The following HAPLN3 variants were observed in gnomAD, a reference collection of about 807,000 sequenced individuals.
HAPLN3 encodes the protein extracellular link domain containing, 1.
A neutral mutation model predicts 28.1 loss-of-function variants in HAPLN3; 28 were observed. The ratio of observed to expected loss-of-function variants is 1.00; its 90% CI spans 0.74 to 1.37. The LOEUF (loss-of-function observed/expected upper bound fraction) is 1.37. Ranked by LOEUF, HAPLN3 falls within the 40% of genes most tolerant of loss-of-function variation. HAPLN3 has a pLI of 0.00. For synonymous variants in HAPLN3, 211 were observed against 213.1 expected (o/e 0.99, Z 0.09); for missense variants, 513 against 504.6 (o/e 1.02, Z -0.16).
chr15:88,884,869 C>T (rs562844512), intron 2 of HAPLN3, among the ~76,000 whole-genome samples: 1 of 152,238 alleles, frequency 6.6e-6, no homozygotes, highest in African/African-American at 2.4e-5. Flanking sequence ...CAGCTACAGC[C>T]AAGGAATGCC....
chr15:88,894,078 C>T (rs1327700639), intron 1 of HAPLN3, among the ~76,000 whole-genome samples: 1 of 152,076 alleles, frequency 6.6e-6, no homozygotes, highest in Non-Finnish European at 1.5e-5. Flanking sequence ...AAAATATGAC[C>T]TGTTACTACT....
At position 88,877,896 on chromosome 15, in the gene HAPLN3, A is replaced by G; in HGVS notation, c.*74T>C. 1 of 1,411,176 alleles carries G rather than the reference A, an allele frequency of 7.1e-7. No individual in the cohort carries two copies. Among genetic ancestry groups the G allele is most frequent in the Admixed American group, 2.4e-5 (1 of 42,346 alleles). 87.4% of individuals were successfully genotyped at this position (1,411,176 alleles called of 1,614,324 possible). A position where few individuals can be genotyped will look rare whatever the true frequency, so the allele number is the denominator to read the frequency against. On this transcript the variant is annotated 3_prime_UTR_variant, in exon 5 of 5. Transcript: ENST00000359595. The surrounding 1 kb of genome is among the most constrained non-coding windows in gnomAD (Gnocchi z 5.1). ...TATAAAAACAGTTAAAATGGCTCCA[A>G]CCCACAAGGGAAAACGAACCACTCA... is the stretch of plus-strand genomic sequence containing the variant.
chr15:88,882,311 G>T (rs1428211417), intron 2 of HAPLN3, among the ~76,000 whole-genome samples: 1 of 152,200 alleles, frequency 6.6e-6, no homozygotes, highest in Non-Finnish European at 1.5e-5. Context: ...TAAGTTTTGG[G>T]TGGTTTGCTA....
chr15:88,890,585 A>G (rs1285229224), intron 1 of HAPLN3, among the ~76,000 whole-genome samples: 2 of 152,216 alleles, frequency 1.3e-5, no homozygotes, highest in Non-Finnish European at 2.9e-5. Context: ...GTTCAGCTGA[A>G]GACTGCATTT....
chr15:88,886,456 T>C (rs933973809), intron 2 of HAPLN3, among the ~76,000 whole-genome samples: 3 of 151,992 alleles, frequency 2.0e-5, no homozygotes, highest in African/African-American at 7.3e-5. Context: ...CCAACCCATG[T>C]TGGGTGCACA....
In HAPLN3 at chr15:88,879,013, G is replaced by A; in HGVS notation, c.750C>T (p.Arg250=). The change falls in exon 4 of 5, where the codon CGC becomes CGT. Residue 250 remains arginine (R), a synonymous_variant. Coordinates refer to ENST00000359595, the MANE Select transcript of HAPLN3 (RefSeq NM_178232.4). This position sits in a 1 kb window ranked among gnomAD's most constrained non-coding sequence, Gnocchi z 5.0. ...PGVRSYGPRH[R]RLHRYDVFCF... is the part of the protein sequence containing the mutation. ...AGAATACATCATAGCGGTGCAGGCG[G>A]CGGTGGCGGGGGCCGTAGCTTCGCA... The A allele has an allele frequency of 1.2e-6, 2 of 1,610,034 alleles. No homozygotes were observed. The highest frequency in any genetic ancestry group is 1.7e-6 in the Non-Finnish European group (2 of 1,178,730).
At chr15:88,891,544 C>T (rs996809700) in intron 1 of HAPLN3, among the ~76,000 whole-genome samples, 2 of 152,046 alleles carry the variant, frequency 1.3e-5, no homozygotes, top group East Asian at 1.9e-4. Flanking sequence ...TTGTTCTGCC[C>T]GCCTCCGCCT....
In HAPLN3 at chr15:88,880,560, C is replaced by G; in HGVS notation, c.493+797G>C. On this transcript the variant is annotated intron_variant, in intron 3 of 4. Coordinates refer to ENST00000359595, the MANE Select transcript of HAPLN3 (RefSeq NM_178232.4). The surrounding 1 kb of genome is among the most constrained non-coding windows in gnomAD (Gnocchi z 6.0). Reference sequence around the variant, plus strand: ...AAGTCAGGTCACCTTCCTCTATCCCCGAACTGCCTCCCTAACATGTGGGAG... The same window carrying G: ...AAGTCAGGTCACCTTCCTCTATCCCGGAACTGCCTCCCTAACATGTGGGAG... The G allele has an allele frequency of 7.8e-7, 1 of 1,288,660 alleles. No homozygotes were observed. Among genetic ancestry groups the G allele is most frequent in the African/African-American group, 1.5e-5 (1 of 65,912 alleles). The allele number at this position is 1,288,660 out of a possible 1,614,324, so 79.8% of individuals were successfully genotyped here.
intron 1 of HAPLN3, among the ~76,000 whole-genome samples, chr15:88,891,863 C>G (rs1474374010): frequency 6.6e-6 from 1 of 152,164 alleles, no homozygotes; most frequent in African/African-American, 2.4e-5. Context: ...CCTTCAGGCT[C>G]CACACCTGGA....
intron 2 of HAPLN3, 135 bp downstream of exon 2, chr15:88,887,040 C>T: frequency 1.1e-6 from 1 of 937,850 alleles, no homozygotes; most frequent in South Asian, 1.4e-5. Context: ...GAGAAGCAAG[C>T]TGGCCCACTA....
In HAPLN3 at chr15:88,879,796, G is replaced by A; in HGVS notation, c.494-527C>T. On this transcript the variant is annotated intron_variant, in intron 3 of 4. Coordinates refer to ENST00000359595, the MANE Select transcript of HAPLN3 (RefSeq NM_178232.4). This position sits in a 1 kb window ranked among gnomAD's most constrained non-coding sequence, Gnocchi z 5.0. ...TTGGGGAAGGGCCTTCCATAAAGGA[G>A]GCTCAAGGGCAGGGAGGTCTGGGGC... 9.0e-7 allele frequency: 1 copy of A among 1,105,468 alleles called. No homozygotes were observed. Among genetic ancestry groups the A allele is most frequent in the Non-Finnish European group, 1.1e-6 (1 of 900,524 alleles). 68.5% of individuals were successfully genotyped at this position (1,105,468 alleles called of 1,614,324 possible).
Position 88,879,207 on chromosome 15 carries a change from G to A in HAPLN3, c.556C>T (p.Gln186Ter). The change falls in exon 4 of 5, where the codon CAG becomes TAG. Residue 186 changes from glutamine (Q) to a stop codon, truncating the protein, a stop_gained. Coordinates refer to ENST00000359595, the MANE Select transcript of HAPLN3 (RefSeq NM_178232.4). LOFTEE classifies it high-confidence loss of function. The surrounding 1 kb of genome is among the most constrained non-coding windows in gnomAD (Gnocchi z 5.0). ...ACCGCAGCCTGCTCTGCACAGACCT[G>A]CTGGCCCTCGTGGAAGTTGAACTGG... ...RYQFNFHEGQ[Q>*]VCAEQAAVVA... 6.2e-7 allele frequency: 1 copy of A among 1,612,512 alleles called. No individual in the cohort carries two copies. The highest frequency in any genetic ancestry group is 1.7e-4 in the Middle Eastern group (1 of 6,054).
At chr15:88,882,456 G>C (rs929839971) in intron 2 of HAPLN3, among the ~76,000 whole-genome samples, 1 of 152,186 alleles carries the variant, frequency 6.6e-6, no homozygotes, top group Non-Finnish European at 1.5e-5. Flanking sequence ...GCACAGCCCT[G>C]GCTTTACTCT....
At chr15:88,891,709 C>T (rs1039330773) in intron 1 of HAPLN3, among the ~76,000 whole-genome samples, 3 of 152,192 alleles carry the variant, frequency 2.0e-5, no homozygotes, top group Admixed American at 6.5e-5. Context: ...CAAGGTCATC[C>T]AGCTAGGAAG....
chr15:88,887,478 T>C (rs1462519863), intron 1 of HAPLN3, 133 bp from the exon 2 acceptor site: 3 of 793,358 alleles, frequency 3.8e-6, no homozygotes, highest in African/African-American at 3.5e-5. Flanking sequence ...TGCCAGACGC[T>C]GTTCCCGGAG....
chr15:88,881,173 T>C lies in HAPLN3; in HGVS notation c.493+184A>G. ...GCTGTGTGACCTTAGGTAAGTTACT[T>C]GACCTCTCTGTGCCTCAGTTTTCTC... On this transcript the variant is annotated intron_variant, in intron 3 of 4. Coordinates refer to ENST00000359595, the MANE Select transcript of HAPLN3 (RefSeq NM_178232.4). This position sits in a 1 kb window ranked among gnomAD's most constrained non-coding sequence, Gnocchi z 6.0. 1.4e-6 allele frequency: 1 copy of C among 738,992 alleles called. No individual in the cohort carries two copies. Among genetic ancestry groups the C allele is most frequent in the South Asian group, 1.9e-5 (1 of 51,662 alleles). 45.8% of individuals were successfully genotyped at this position (738,992 alleles called of 1,614,324 possible). A position where few individuals can be genotyped will look rare whatever the true frequency, so the allele number is the denominator to read the frequency against.
chr15:88,885,302 G>C (rs554515864), intron 2 of HAPLN3, among the ~76,000 whole-genome samples: 4 of 152,312 alleles, frequency 2.6e-5, no homozygotes, highest in South Asian at 4.1e-4. Context: ...TTGAGGCAGA[G>C]TCTCACTCTG....
intron 2 of HAPLN3, among the ~76,000 whole-genome samples, chr15:88,882,214 C>G (rs1221853263): frequency 6.6e-6 from 1 of 152,222 alleles, no homozygotes; most frequent in Non-Finnish European, 1.5e-5. Context: ...GACCCAACCG[C>G]AAGACCTGAA....
chr15:88,879,381 T>A lies in HAPLN3; in HGVS notation c.494-112A>T, dbSNP rs781612991. ...ATGTGCTGCCTGCAACACACACACA[T>A]ACACCATCCCTCAGAAAAACTCAGC... On this transcript the variant is annotated intron_variant, in intron 3 of 4. Coordinates refer to ENST00000359595, the MANE Select transcript of HAPLN3 (RefSeq NM_178232.4). This position sits in a 1 kb window ranked among gnomAD's most constrained non-coding sequence, Gnocchi z 5.0. The A allele has an allele frequency of 6.4e-7, 1 of 1,559,090 alleles. No homozygotes were observed. The highest frequency in any genetic ancestry group is 1.2e-5 in the South Asian group (1 of 86,300).
Sources: gnomAD v4.1 joint callset for allele counts (sites outside exome capture counted in the v4.1 genomes callset) on GRCh38, gnomAD v4.1.1 for gene constraint, Gnocchi (gnomAD v3.1) non-coding constraint, MANE v1.5 for transcripts, NCBI Gene and HGNC (gene_info 2026-07-23, HGNC 2026-07-21) for gene names.